Variants in NUMB observed in about 807,000 individuals in gnomAD.
The protein encoded by NUMB is NUMB endocytic adaptor protein.
In NUMB, 29 loss-of-function variants were observed where a neutral mutation model predicts 59.7. The ratio of observed to expected loss-of-function variants is 0.49; its 90% confidence interval spans 0.36 to 0.66. The LOEUF (loss-of-function observed/expected upper bound fraction) is 0.66, where lower values mean the gene tolerates loss of function less well. Ranked by LOEUF, NUMB falls within the 30% of genes least tolerant of loss-of-function variation. The pLI is 0.00. For synonymous variants in NUMB, 288 were observed against 288.2 expected, an observed-to-expected ratio of 1.00 and a Z score of 0.01; for missense variants, 723 against 822.0, an observed-to-expected ratio of 0.88 and a Z score of 1.47.
chr14:73,334,485 A>G (rs980035), intron 4 of NUMB, among the ~76,000 whole-genome samples: 121,746 of 152,186 alleles, frequency 0.8, 49,261 homozygotes, highest in African/African-American at 0.92. Flanking sequence ...GAACTGACCT[A>G]TGAAACCATC....
At chr14:73,337,267 T>G (rs1892377494) in intron 4 of NUMB, among the ~76,000 whole-genome samples, 1 of 152,128 alleles carries the variant, frequency 6.6e-6, no homozygotes, top group Admixed American at 6.5e-5. Context: ...TCCCAGCACT[T>G]TGGGAGGTCA....
At chr14:73,450,018 T>A (rs1317317161) in intron 1 of NUMB, among the ~76,000 whole-genome samples, 1 of 152,168 alleles carries the variant, frequency 6.6e-6, no homozygotes, top group Non-Finnish European at 1.5e-5. Flanking sequence ...TAAAGTCGAC[T>A]CTGGTTTTCC....
intron 6 of NUMB, among the ~76,000 whole-genome samples, chr14:73,316,189 A>G (rs1172235002): frequency 6.6e-6 from 1 of 152,184 alleles, no homozygotes; most frequent in East Asian, 1.9e-4. Context: ...GGAATTTCTT[A>G]GAATCATCAG....
chr14:73,441,360 C>A (rs1883051271), intron 1 of NUMB, among the ~76,000 whole-genome samples: 1 of 151,890 alleles, frequency 6.6e-6, no homozygotes, highest in Non-Finnish European at 1.5e-5. Flanking sequence ...CCAACCTGGC[C>A]AACACAGTGA....
At chr14:73,299,901 G>A (rs900801243) in intron 6 of NUMB, among the ~76,000 whole-genome samples, 2 of 152,044 alleles carry the variant, frequency 1.3e-5, no homozygotes, top group Non-Finnish European at 2.9e-5. Flanking sequence ...TGAATTCAGC[G>A]CTACTATTCA....
chr14:73,289,663 A>C (rs1001027243), intron 8 of NUMB, among the ~76,000 whole-genome samples: 2 of 152,198 alleles, frequency 1.3e-5, no homozygotes, highest in African/African-American at 4.8e-5. Flanking sequence ...CTTTTTAAAA[A>C]TTTTTAAACT....
At chr14:73,442,658 A>T (rs922292368) in intron 1 of NUMB, among the ~76,000 whole-genome samples, 49 of 152,370 alleles carry the variant, frequency 3.2e-4, no homozygotes, top group Admixed American at 2.0e-4. Flanking sequence ...AGACAAAAAA[A>T]TATATGTATA....
intron 1 of NUMB, among the ~76,000 whole-genome samples, chr14:73,441,810 G>A (rs1883086999): frequency 6.6e-6 from 1 of 151,946 alleles, no homozygotes; most frequent in African/African-American, 2.4e-5. Context: ...AGGAGTTTGA[G>A]GCTGCAGTGA....
chr14:73,410,999 TTATAA>T (rs1896869604), intron 1 of NUMB, among the ~76,000 whole-genome samples: 2 of 152,180 alleles, frequency 1.3e-5, no homozygotes, highest in South Asian at 4.1e-4. Flanking sequence ...GTTATGAATC[TTATAA>T]TATATGGGAG....
intron 2 of NUMB, among the ~76,000 whole-genome samples, chr14:73,385,753 C>T (rs1280569280): frequency 2.6e-5 from 4 of 152,000 alleles, no homozygotes; most frequent in Admixed American, 6.6e-5. Flanking sequence ...CCACCAGCCT[C>T]GGCCTCCCAA....
chr14:73,407,880 T>G (rs1896741700), intron 2 of NUMB, among the ~76,000 whole-genome samples: 1 of 152,232 alleles, frequency 6.6e-6, no homozygotes, highest in Non-Finnish European at 1.5e-5. Context: ...ATATAACTGG[T>G]AGCAGTCAAT....
intron 1 of NUMB, among the ~76,000 whole-genome samples, chr14:73,445,640 G>C: frequency 6.6e-6 from 1 of 152,062 alleles, no homozygotes; most frequent in African/African-American, 2.4e-5. Flanking sequence ...AGTAAATGTA[G>C]CTAACATTTA....
At chr14:73,324,167 T>C (rs1209737039) in intron 4 of NUMB, among the ~76,000 whole-genome samples, 1 of 152,230 alleles carries the variant, frequency 6.6e-6, no homozygotes, top group African/African-American at 2.4e-5. Context: ...TGTCACAGGC[T>C]ATCACCTATT....
At chr14:73,417,552 A>C (rs78255401) in intron 1 of NUMB, among the ~76,000 whole-genome samples, 1 of 143,458 alleles carries the variant, frequency 7.0e-6, no homozygotes, top group Non-Finnish European at 1.5e-5. Context: ...ACCCTCTCTC[A>C]AAAAAAAAAA....
intron 1 of NUMB, among the ~76,000 whole-genome samples, chr14:73,448,311 C>A (rs1883681060): frequency 6.6e-6 from 1 of 152,112 alleles, no homozygotes. Context: ...GGAAATTGTA[C>A]ACCTTTCATC....
Position 73,366,949 on chromosome 14 carries a change from T to A in NUMB, c.-68A>T, listed in dbSNP as rs1236331640. On this transcript the variant is annotated 5_prime_UTR_variant, in exon 3 of 13. Coordinates refer to ENST00000555238, the MANE Select transcript of NUMB (RefSeq NM_001005743.2). ...TACAAGTTGTGTGATTTTGGACAAG[T>A]TTCGTAACTTCACCAAGCCTCAGTT... 1 of 152,110 alleles carries A rather than the reference T, an allele frequency of 6.6e-6. No homozygotes were observed. Among genetic ancestry groups the A allele is most frequent in the Non-Finnish European group, 1.5e-5 (1 of 68,026 alleles). 9.4% of individuals were successfully genotyped at this position (152,110 alleles called of 1,614,324 possible). A position where few individuals can be genotyped will look rare whatever the true frequency, so the allele number is the denominator to read the frequency against.
rs114327279 is a variant in NUMB at position 73,277,183 on chromosome 14, C to A, written c.1351G>T (p.Val451Phe). The change falls in exon 13 of 13, where the codon GTC becomes TTC. Residue 451 changes from valine to phenylalanine, a missense_variant. Val to Phe is a conservative substitution (Grantham distance 50, BLOSUM62 -1). Transcript: ENST00000555238. ...GAGGCCTGGGGCTGCTGAGCCCGGACGCTCTTAGACACCTCTTCTAACCAT... is the reference window on the plus strand; with the variant it reads ...GAGGCCTGGGGCTGCTGAGCCCGGAAGCTCTTAGACACCTCTTCTAACCAT... ...DRWLEEVSKS[V>F]RAQQPQASAA... The A allele has an allele frequency of 6.2e-7, 1 of 1,613,972 alleles. No homozygotes were observed. The highest frequency in any genetic ancestry group is 1.7e-5 in the Admixed American group (1 of 60,012).
chr14:73,288,433 C>T (rs1369093784), intron 8 of NUMB, among the ~76,000 whole-genome samples: 1 of 152,064 alleles, frequency 6.6e-6, no homozygotes, highest in African/African-American at 2.4e-5. Context: ...TGCCTGTAAT[C>T]CCAGCTACTT....
At position 73,367,279 on chromosome 14, in the gene NUMB, C is replaced by CTATATA. The variant is rs748523624; in HGVS notation, c.-100-304_-100-299dup. Among the ~76,000 whole-genome samples, 273 of 122,498 alleles carry CTATATA rather than the reference C, an allele frequency of 2.2e-3. 4 individuals are homozygous for CTATATA. The highest frequency in any genetic ancestry group is 7.9e-3 in the South Asian group (32 of 4,036). The allele number at this position is 122,498 out of a possible 152,430, so 80.4% of individuals were successfully genotyped here. On this transcript the variant is annotated intron_variant, in intron 2 of 12. Coordinates refer to ENST00000555238, the MANE Select transcript of NUMB (RefSeq NM_001005743.2). The stretch of plus-strand genomic sequence containing the variant: ...ATTATTCAATCTTTGAAATAAAATA[C>CTATATA]TATATATATATATATATACACACAC...
Sources: gnomAD v4.1 joint callset for allele counts (sites outside exome capture counted in the v4.1 genomes callset) on GRCh38, gnomAD v4.1.1 for gene constraint, MANE v1.5 for transcripts, NCBI Gene and HGNC (gene_info 2026-07-23, HGNC 2026-07-21) for gene names.